The following LYST variants were observed in gnomAD, a reference collection of about 807,000 sequenced individuals.
LYST encodes the protein lysosomal trafficking regulator.
Under a neutral mutation model 413.6 loss-of-function variants are expected in LYST, and 192 were observed. The ratio of observed to expected loss-of-function variants is 0.46; its 90% CI spans 0.41 to 0.52. The LOEUF (loss-of-function observed/expected upper bound fraction) is 0.52. Ranked by LOEUF, LYST falls within the 20% of genes least tolerant of loss-of-function variation. The pLI, the probability that LYST is intolerant of heterozygous loss-of-function variation, is 0.00. For missense variants in LYST, 3,815 were observed against 4,499.9 expected, an observed-to-expected ratio of 0.85 and a Z score of 4.35; for synonymous variants, 1,525 against 1,567.3, an observed-to-expected ratio of 0.97 and a Z score of 0.64.
In LYST at chr1:235,804,750, TAA is replaced by T. The variant is rs1357902498; in HGVS notation, c.3394-87_3394-86del. On this transcript the variant is annotated intron_variant, in intron 6 of 52. Transcript: ENST00000389793. Reference sequence around the variant, plus strand: ...AAAAAATAAATAATAAATATTTACTTAAGTATAAAGCTAATCCATTTATTTGC... The same window carrying T: ...AAAAAATAAATAATAAATATTTACTTGTATAAAGCTAATCCATTTATTTGC... The T allele has an allele frequency of 1.9e-5, 16 of 833,312 alleles. No homozygotes were observed. In the African/African-American group the frequency reaches 2.4e-4, roughly 12 times the overall value. 51.6% of individuals were successfully genotyped at this position (833,312 alleles called of 1,614,324 possible).
At chr1:235,737,901 G>C (rs1215899207) in intron 31 of LYST, 1 of 1,144,902 alleles carries the variant, frequency 8.7e-7, no homozygotes, top group Non-Finnish European at 1.1e-6. Context: ...GAAGGTGCTG[G>C]AGCCGCTGCC....
intron 50 of LYST, among the ~76,000 whole-genome samples, chr1:235,673,922 C>T (rs1453089252): frequency 2.0e-5 from 3 of 152,160 alleles, no homozygotes; most frequent in South Asian, 4.1e-4. Context: ...TAAATAAAAG[C>T]GATTGTTGCG....
At chr1:235,796,129 T>C (rs369592090) in intron 10 of LYST, among the ~76,000 whole-genome samples, 3 of 152,026 alleles carry the variant, frequency 2.0e-5, no homozygotes, top group East Asian at 3.9e-4. Flanking sequence ...AGGCTCAAGA[T>C]AACAATTAGA....
chr1:235,804,554 G>T lies in LYST; in HGVS notation c.3505C>A (p.Leu1169Ile), dbSNP rs1005473771. 30 of 1,613,354 alleles carry T rather than the reference G, an allele frequency of 1.9e-5. No homozygotes were observed. Among genetic ancestry groups the T allele is most frequent in the Non-Finnish European group, 2.3e-5 (27 of 1,179,458 alleles). The change falls in exon 7 of 53, where the codon CTC becomes ATC. Residue 1169 changes from leucine (L) to isoleucine (I), a missense_variant. Physicochemically the swap from Leu to Ile is conservative, Grantham distance 5 (BLOSUM62 2). Coordinates refer to ENST00000389793, the MANE Select transcript of LYST (RefSeq NM_000081.4). ...PLFDALLRVALGNYSADFEHN... is the reference protein window; with the variant it reads ...PLFDALLRVAIGNYSADFEHN... ...TCAAAATCTGCTGAATAATTCCCGA[G>T]GGCAACTCGAAGCAGGGCATCAAAT... is the stretch of plus-strand genomic sequence containing the variant.
At chr1:235,798,222 G>A (rs1209317944) in intron 10 of LYST, among the ~76,000 whole-genome samples, 3 of 152,044 alleles carry the variant, frequency 2.0e-5, no homozygotes, top group African/African-American at 7.2e-5. Flanking sequence ...TAACTATTAT[G>A]TAGTATTATC....
intron 47 of LYST, among the ~76,000 whole-genome samples, chr1:235,691,697 C>CTTTTTTTTTTTTTTTTTTTTT (rs774558822): frequency 7.2e-6 from 1 of 138,202 alleles, no homozygotes; most frequent in Non-Finnish European, 1.5e-5. Flanking sequence ...ATCAGATTCT[C>CTTTTTTTTTTTTTTTTTTTTT]TCTTTTTTTT....
chr1:235,877,716 C>A (rs1237209180), intron 1 of LYST, among the ~76,000 whole-genome samples: 1 of 152,010 alleles, frequency 6.6e-6, no homozygotes, highest in Non-Finnish European at 1.5e-5. Context: ...GGTCAACTTT[C>A]TTTTTTAAAC....
chr1:235,737,918 T>TGAG, intron 31 of LYST: 7 of 1,164,682 alleles, frequency 6.0e-6, no homozygotes, highest in Admixed American at 4.4e-5. Flanking sequence ...TGCCGACGAG[T>TGAG]CTGGATCTCA....
At chr1:235,814,468 G>C (rs997974961) in intron 3 of LYST, among the ~76,000 whole-genome samples, 7 of 152,116 alleles carry the variant, frequency 4.6e-5, no homozygotes, top group Admixed American at 3.3e-4. Context: ...CAATGCTAAA[G>C]AAAAGGCTGA....
At chr1:235,815,809 T>G (rs145304441) in intron 3 of LYST, among the ~76,000 whole-genome samples, 5 of 152,016 alleles carry the variant, frequency 3.3e-5, no homozygotes, top group African/African-American at 1.2e-4. Context: ...TGGAGAAACA[T>G]TCCACATTCA....
rs1030267038 is a variant in LYST, at chr1:235,827,627, A to C, written c.192+2599T>G. The stretch of plus-strand genomic sequence containing the variant: ...TAATTGAAAGAACTAAATGTTGATA[A>C]AGGCCTATGTTTTAAATGGCTATTT... On this transcript the variant is annotated intron_variant, in intron 3 of 52. Coordinates refer to ENST00000389793, the MANE Select transcript of LYST (RefSeq NM_000081.4). 3 of 984,646 alleles carry C rather than the reference A, an allele frequency of 3.0e-6. No individual in the cohort carries two copies. In the African/African-American group the frequency reaches 5.2e-5, roughly 17 times the overall value. 61.0% of individuals were successfully genotyped at this position (984,646 alleles called of 1,614,324 possible). A position where few individuals can be genotyped will look rare whatever the true frequency, so the allele number is the denominator to read the frequency against.
At chr1:235,747,552 C>G (rs1400017861) in intron 28 of LYST, among the ~76,000 whole-genome samples, 2 of 151,300 alleles carry the variant, frequency 1.3e-5, no homozygotes, top group African/African-American at 4.9e-5. Flanking sequence ...AAAGAAAATA[C>G]AAAAATTCAT....
upstream of LYST, among the ~76,000 whole-genome samples, chr1:235,867,703 T>C (rs934246267): frequency 2.0e-5 from 3 of 152,182 alleles, no homozygotes; most frequent in Non-Finnish European, 2.9e-5. Flanking sequence ...ACTGCTGCGG[T>C]AGGCAGTTTG....
At position 235,805,955 on chromosome 1, in the gene LYST, T is replaced by C; in HGVS notation, c.3181A>G (p.Ser1061Gly). 1 of 1,613,830 alleles carries C rather than the reference T, an allele frequency of 6.2e-7. No homozygotes were observed. The highest frequency in any genetic ancestry group is 8.5e-7 in the Non-Finnish European group (1 of 1,179,726). Residue 1061 changes from serine (S) to glycine (G), a missense_variant, in exon 6 of 53, where the codon AGT (serine) becomes GGT (glycine). This residue lies in a region of LYST where 1,648 missense variants were observed against 1,810.3 expected (regional missense o/e 0.91). Transcript: ENST00000389793. ...ELGSLKKSAD[S>G]LGKLELQHIS... is the part of the protein sequence containing the mutation. ...TGCTGTAACTCTAATTTACCTAAAC[T>C]GTCAGCACTCTTTTTTAGACTACCT...
At chr1:235,850,445 A>C (rs2103095761) in intron 1 of LYST, among the ~76,000 whole-genome samples, 1 of 152,292 alleles carries the variant, frequency 6.6e-6, no homozygotes, top group East Asian at 1.9e-4. Flanking sequence ...CATTGGAAAA[A>C]CCTTTCTAGA....
chr1:235,758,829 T>G, intron 23 of LYST, 143 bp downstream of exon 23: 1 of 709,584 alleles, frequency 1.4e-6, no homozygotes, highest in Non-Finnish European at 2.4e-6. Flanking sequence ...TCTTTCTGTT[T>G]GTTATTATTA....
chr1:235,801,923 C>A (rs1246288940), intron 8 of LYST, among the ~76,000 whole-genome samples: 1 of 152,004 alleles, frequency 6.6e-6, no homozygotes, highest in Admixed American at 6.6e-5. Flanking sequence ...TGGCTGGGTG[C>A]GGTGGCTCAC....
chr1:235,726,507 G>T (rs1663886134), intron 38 of LYST, among the ~76,000 whole-genome samples: 1 of 151,954 alleles, frequency 6.6e-6, no homozygotes, highest in South Asian at 2.1e-4. Flanking sequence ...ATCTGTATGG[G>T]TCAAAAAGGG....
intron 3 of LYST, among the ~76,000 whole-genome samples, chr1:235,826,753 T>C (rs1034683573): frequency 2.6e-5 from 4 of 152,182 alleles, no homozygotes; most frequent in Admixed American, 6.5e-5. Context: ...CGACCATGGC[T>C]CACTGCAGCC....
Sources: allele counts gnomAD v4.1 joint callset (sites outside exome capture counted in the v4.1 genomes callset), GRCh38; gene constraint gnomAD v4.1.1; regional missense constraint gnomAD v4.1.1; transcripts MANE v1.5; gene names NCBI Gene and HGNC (gene_info 2026-07-23, HGNC 2026-07-21).